The following OTOG variants were observed in gnomAD, a reference collection of about 807,000 sequenced individuals.
OTOG encodes otogelin.
OTOG carries 296 observed loss-of-function variants against 313.8 expected under a neutral mutation model. The observed-to-expected ratio is 0.94, with a 90% CI of 0.86 to 1.04. OTOG has a LOEUF of 1.04. Ranked by LOEUF, OTOG falls within the 50% of genes least tolerant of loss-of-function variation. The pLI is 0.00. For synonymous variants in OTOG, 1,533 were observed against 1,554.9 expected (o/e 0.99, Z 0.33); for missense variants, 3,948 against 3,840.1 (o/e 1.03, Z -0.74).
intron 4 of OTOG, 58 bp from the exon 5 acceptor site, chr11:17,553,061 T>C (rs1234372015): frequency 2.0e-6 from 3 of 1,502,552 alleles, no homozygotes; most frequent in Non-Finnish European, 2.7e-6. Flanking sequence ...GAGGGCTGCC[T>C]CCCTGGGTTC....
At chr11:17,621,225 C>A (rs1252945056) in intron 39 of OTOG, among the ~76,000 whole-genome samples, 1 of 152,040 alleles carries the variant, frequency 6.6e-6, no homozygotes, top group Non-Finnish European at 1.5e-5. Flanking sequence ...TGAAAATATT[C>A]TTGAGCTTTG....
In OTOG at chr11:17,611,209, C is replaced by T. The variant is rs776029325; in HGVS notation, c.5909C>T (p.Ser1970Leu). 3 of 1,550,562 alleles carry T rather than the reference C, an allele frequency of 1.9e-6. No individual in the cohort carries two copies. In the East Asian group the frequency reaches 7.3e-5, roughly 38 times the overall value. The change falls in exon 36 of 56, where the codon TCA (serine) becomes TTA (leucine). Residue 1970 changes from serine to leucine, a missense_variant. By Grantham distance (145) the Ser-to-Leu change is moderately radical. Coordinates refer to ENST00000399397, the MANE Select transcript of OTOG (RefSeq NM_001292063.2). ...ACATCCTATGCCCTGAGCCGTGTCT[C>T]AGCCAGGACGGCCCCCCAAGACAGC... Reference protein sequence around the residue: ...VPTSYALSRVSARTAPQDSML... With the variant: ...VPTSYALSRVLARTAPQDSML...
Position 17,559,180 on chromosome 11 carries a change from T to G in OTOG, c.1213+19T>G. Reference sequence around the variant, plus strand: ...CAATGCAGTAGGTGCAGCCCAGTAGTGGGGCAGGGAGGCCTTCAGGCTGTG... The same window carrying G: ...CAATGCAGTAGGTGCAGCCCAGTAGGGGGGCAGGGAGGCCTTCAGGCTGTG... On this transcript the variant is annotated intron_variant, in intron 11 of 55. Coordinates refer to ENST00000399397, the MANE Select transcript of OTOG (RefSeq NM_001292063.2). The G allele has an allele frequency of 6.6e-7, 1 of 1,518,868 alleles. No homozygotes were observed. Among genetic ancestry groups the G allele is most frequent in the Non-Finnish European group, 8.8e-7 (1 of 1,133,038 alleles). The allele number at this position is 1,518,868 out of a possible 1,614,324, so 94.1% of individuals were successfully genotyped here. A position where few individuals can be genotyped will look rare whatever the true frequency, so the allele number is the denominator to read the frequency against.
Position 17,555,809 on chromosome 11 carries a change from C to A in OTOG, c.571C>A (p.Pro191Thr). The change falls in exon 7 of 56, where the codon CCC (proline) becomes ACC (threonine). Residue 191 changes from proline (P) to threonine (T), a missense_variant. By Grantham distance (38) the Pro-to-Thr change is conservative. Coordinates refer to ENST00000399397, the MANE Select transcript of OTOG (RefSeq NM_001292063.2). ...VHNDPQCGSS[P>T]YTCSRAVSLF... ...CAATGACCCGCAGTGTGGCTCTTCA[C>A]CCTACACCTGCTCCAGGGCTGTCAG... 1 of 1,550,672 alleles carries A rather than the reference C, an allele frequency of 6.4e-7. No homozygotes were observed. The highest frequency in any genetic ancestry group is 8.7e-7 in the Non-Finnish European group (1 of 1,147,002).
intron 18 of OTOG, 112 bp downstream of exon 18, chr11:17,572,316 G>A: frequency 2.8e-6 from 4 of 1,415,088 alleles, no homozygotes; most frequent in East Asian, 5.0e-5. Flanking sequence ...ATTTGTAGGA[G>A]TGATAAGAGA....
chr11:17,634,823 C>A, intron 44 of OTOG, 21 bp from the exon 45 acceptor site: 1 of 1,541,686 alleles, frequency 6.5e-7, no homozygotes, highest in Non-Finnish European at 8.8e-7. Flanking sequence ...AGGTGACAGG[C>A]CCTGTGGTCC....
intron 39 of OTOG, among the ~76,000 whole-genome samples, chr11:17,616,143 T>G (rs1853713372): frequency 6.6e-6 from 1 of 152,052 alleles, no homozygotes; most frequent in Non-Finnish European, 1.5e-5. Context: ...TACTGCAGCC[T>G]CGATCTCCTG....
At chr11:17,589,863 G>T (rs2134054872) in intron 24 of OTOG, among the ~76,000 whole-genome samples, 1 of 152,128 alleles carries the variant, frequency 6.6e-6, no homozygotes, top group Non-Finnish European at 1.5e-5. Flanking sequence ...TAGACCTGTG[G>T]GCAGCATTTG....
In OTOG at chr11:17,626,770, T is replaced by C. The variant is rs573472323; in HGVS notation, c.6529-2363T>C. 7.9e-5 allele frequency among the ~76,000 whole-genome samples: 12 copies of C among 152,348 alleles called. No individual in the cohort carries two copies. In the South Asian group the frequency reaches 2.5e-3, roughly 32 times the overall value. On this transcript the variant is annotated intron_variant, in intron 39 of 55. Transcript: ENST00000399397. ...TCCATGAGCATGGGCTATCTTTCCA[T>C]TTGTGTCTTGTTCAATTTCTTTCAG...
rs78554283 is a variant in OTOG, at chr11:17,552,202, C to G, written c.292+127C>G. ...GACCCCTTTTTCCTGCTTGGCATCT[C>G]CTTCCACCCACTCTGGCCCCGGCCA... On this transcript the variant is annotated intron_variant, in intron 4 of 55. Transcript: ENST00000399397. 4,565 of 922,606 alleles carry G rather than the reference C, an allele frequency of 4.9e-3. 167 individuals carry two copies. In the African/African-American group the frequency reaches 0.065, roughly 13 times the overall value. The allele number at this position is 922,606 out of a possible 1,614,324, so 57.2% of individuals were successfully genotyped here.
Position 17,593,114 on chromosome 11 carries a change from C to T in OTOG, c.3007-79C>T, listed in dbSNP as rs1223926282. ...GTGGACTGAAAGCCACTCCAGAGAG[C>T]GTGTTCCTCCACCTCTGTACCTCTT... is the stretch of plus-strand genomic sequence containing the variant. On this transcript the variant is annotated intron_variant, in intron 25 of 55. Transcript: ENST00000399397. The T allele has an allele frequency of 1.2e-5, 16 of 1,373,216 alleles. No individual in the cohort carries two copies. The African/African-American group carries it at 1.2e-4, about 10-fold the overall frequency. 85.1% of individuals were successfully genotyped at this position (1,373,216 alleles called of 1,614,324 possible).
chr11:17,626,571 C>A (rs1423025886), intron 39 of OTOG, among the ~76,000 whole-genome samples: 1 of 152,052 alleles, frequency 6.6e-6, no homozygotes, highest in African/African-American at 2.4e-5. Flanking sequence ...CTAGTTTTGT[C>A]CTTTTTGCTC....
intron 12 of OTOG, among the ~76,000 whole-genome samples, chr11:17,560,488 TG>T (rs1852157132): frequency 6.6e-6 from 1 of 152,126 alleles, no homozygotes; most frequent in African/African-American, 2.4e-5. Context: ...GGGATGGGGT[TG>T]TGGGCAGTTC....
In OTOG at chr11:17,629,169, A is replaced by T; in HGVS notation, c.6565A>T (p.Ser2189Cys). The T allele has an allele frequency of 6.4e-7, 1 of 1,550,556 alleles. No individual in the cohort carries two copies. Among genetic ancestry groups the T allele is most frequent in the Non-Finnish European group, 8.7e-7 (1 of 1,146,996 alleles). Residue 2189 changes from serine (S) to cysteine (C), a missense_variant, in exon 40 of 56, where the codon AGC (serine) becomes TGC (cysteine). Ser to Cys is a moderately radical substitution (Grantham distance 112). Coordinates refer to ENST00000399397, the MANE Select transcript of OTOG (RefSeq NM_001292063.2). Reference protein sequence around the residue: ...VDLQPVWPPVSRYGFRIEDTG... With the variant: ...VDLQPVWPPVCRYGFRIEDTG... The stretch of plus-strand genomic sequence containing the variant: ...CTTGCAGCCTGTGTGGCCACCGGTG[A>T]GCAGGTATGGATTCAGAATTGAGGA...
intron 22 of OTOG, 25 bp downstream of exon 22, chr11:17,576,936 C>A: frequency 6.5e-7 from 1 of 1,548,024 alleles, no homozygotes; most frequent in Non-Finnish European, 8.7e-7. Context: ...AGGGGTGGAG[C>A]CCTTCTGGGG....
rs1854070635 is a variant in OTOG at position 17,629,764 on chromosome 11, G to C, written c.6712+448G>C. 2.0e-5 allele frequency among the ~76,000 whole-genome samples: 3 copies of C among 152,206 alleles called. No homozygotes were observed. The South Asian group carries it at 6.2e-4, about 32-fold the overall frequency. ...TTACCCAAGGGCACACAGCAGAGCT[G>C]CCACAATACACAGAACTAATGCTCT... On this transcript the variant is annotated intron_variant, in intron 40 of 55. Coordinates refer to ENST00000399397, the MANE Select transcript of OTOG (RefSeq NM_001292063.2).
chr11:17,570,421 G>A, intron 17 of OTOG, 31 bp downstream of exon 17: 2 of 1,547,340 alleles, frequency 1.3e-6, no homozygotes, highest in East Asian at 4.9e-5. Flanking sequence ...ACCCGAAGAA[G>A]AGGGGAAATG....
chr11:17,601,773 A>G (rs1853258241), intron 31 of OTOG, among the ~76,000 whole-genome samples: 1 of 152,216 alleles, frequency 6.6e-6, no homozygotes, highest in African/African-American at 2.4e-5. Context: ...CGTGTTTGAA[A>G]TAATTAGATA....
intron 53 of OTOG, 67 bp downstream of exon 53, chr11:17,642,313 G>A (rs1245179982): frequency 3.3e-6 from 5 of 1,497,958 alleles, no homozygotes; most frequent in Admixed American, 2.1e-5. Context: ...GTGGTGGGGT[G>A]GAGGTCCTGT....
Sources: gnomAD v4.1 joint callset for allele counts (sites outside exome capture counted in the v4.1 genomes callset) on GRCh38, gnomAD v4.1.1 for gene constraint, MANE v1.5 for transcripts, NCBI Gene and HGNC (gene_info 2026-07-23, HGNC 2026-07-21) for gene names.